The following PTPRN2 variants were observed in gnomAD, a reference collection of about 807,000 sequenced individuals.
The protein encoded by PTPRN2 is receptor-type tyrosine-protein phosphatase N2.
In PTPRN2, 74 loss-of-function variants were observed where a neutral mutation model predicts 118.8. The observed-to-expected ratio is 0.62, with a 90% CI of 0.52 to 0.76. The LOEUF is 0.76. PTPRN2 is among the 30% of genes least tolerant of loss of function. PTPRN2 has a pLI of 0.00. For synonymous variants in PTPRN2, 641 were observed against 608.0 expected, an observed-to-expected ratio of 1.05 and a Z score of -0.80; for missense variants, 1,481 against 1,394.4, an observed-to-expected ratio of 1.06 and a Z score of -0.99.
rs775089937 is a variant in PTPRN2 at position 157,550,067 on chromosome 7, C to A, written c.2903-1048G>T. 1.3e-5 allele frequency among the ~76,000 whole-genome samples: 2 copies of A among 152,226 alleles called. No homozygotes were observed. Among genetic ancestry groups the A allele is most frequent in the Non-Finnish European group, 2.9e-5 (2 of 68,040 alleles). On this transcript the variant is annotated intron_variant, in intron 21 of 22. Coordinates refer to ENST00000389418, the MANE Select transcript of PTPRN2 (RefSeq NM_002847.5). The surrounding 1 kb of genome is among the most constrained non-coding windows in gnomAD (Gnocchi z 5.2). ...CGCTGGCCGAAGACCTGAGGAGGCC[C>A]GGGTGGCCCAGAGTCAGGTGGTCCC...
rs888626520 is a variant in PTPRN2, at chr7:157,869,799, T to G, written c.1788+28874A>C. On this transcript the variant is annotated intron_variant, in intron 12 of 22. Transcript: ENST00000389418. This position sits in a 1 kb window ranked among gnomAD's most constrained non-coding sequence, Gnocchi z 4.2. ...CTCTCTGGTGAAGCTTTCCCAGGCA[T>G]TTTTCTGCTAAAGTTTTTATAACTT... Among the ~76,000 whole-genome samples, 1 of 152,166 alleles carries G rather than the reference T, an allele frequency of 6.6e-6. No individual in the cohort carries two copies. Among genetic ancestry groups the G allele is most frequent in the Non-Finnish European group, 1.5e-5 (1 of 68,038 alleles).
intron 11 of PTPRN2, among the ~76,000 whole-genome samples, chr7:157,901,402 T>C (rs1797431372): frequency 6.6e-6 from 1 of 152,024 alleles, no homozygotes; most frequent in Admixed American, 6.6e-5. Context: ...ACCAACCAGA[T>C]ACAGAGTTGC....
chr7:157,825,709 G>A (rs534324207), intron 12 of PTPRN2, among the ~76,000 whole-genome samples: 5 of 152,272 alleles, frequency 3.3e-5, no homozygotes, highest in African/African-American at 1.2e-4. Context: ...TATCTCTCTC[G>A]AGGCAGACCT....
rs1805788417 is a variant in PTPRN2 at position 157,808,704 on chromosome 7, C to G, written c.1788+89969G>C. On this transcript the variant is annotated intron_variant, in intron 12 of 22. Coordinates refer to ENST00000389418, the MANE Select transcript of PTPRN2 (RefSeq NM_002847.5). This position sits in a 1 kb window ranked among gnomAD's most constrained non-coding sequence, Gnocchi z 5.0. ...AGTAAATGTAATGCGTTTGAATCAT[C>G]CTGAAACCTTCCCCCAACCTTGGTC... 6.6e-6 allele frequency among the ~76,000 whole-genome samples: 1 copy of G among 152,186 alleles called. No homozygotes were observed. Among genetic ancestry groups the G allele is most frequent in the South Asian group, 2.1e-4 (1 of 4,830 alleles).
intron 11 of PTPRN2, among the ~76,000 whole-genome samples, chr7:157,999,592 G>A (rs772330696): frequency 2.0e-5 from 3 of 152,202 alleles, no homozygotes; most frequent in Non-Finnish European, 4.4e-5. Context: ...CACCGGAGAT[G>A]AGGCCTCCAG....
At position 157,770,931 on chromosome 7, in the gene PTPRN2, C is replaced by T. The variant is rs139087167; in HGVS notation, c.1789-87994G>A. Among the ~76,000 whole-genome samples, 4 of 152,292 alleles carry T rather than the reference C, an allele frequency of 2.6e-5. 1 individual carries two copies. Among genetic ancestry groups the T allele is most frequent in the Non-Finnish European group, 4.4e-5 (3 of 68,024 alleles). On this transcript the variant is annotated intron_variant, in intron 12 of 22. Transcript: ENST00000389418. ...CCCCCGAGGTGAGACCTCTGTCCTC[C>T]CCACCTGAGTGCGGGGGCTGTGGGC...
chr7:158,367,616 G>T (rs1809639897), intron 2 of PTPRN2, among the ~76,000 whole-genome samples: 1 of 152,170 alleles, frequency 6.6e-6, no homozygotes, highest in African/African-American at 2.4e-5. Flanking sequence ...AAATTACGTT[G>T]TAAGTGAGCC....
intron 10 of PTPRN2, among the ~76,000 whole-genome samples, chr7:158,109,164 G>A (rs547586051): frequency 1.5e-4 from 23 of 149,296 alleles, no homozygotes; most frequent in African/African-American, 5.7e-4. Context: ...ATCACCCCAT[G>A]TGTGAAAGAG....
Position 157,820,137 on chromosome 7 carries a change from G to T in PTPRN2, c.1788+78536C>A, listed in dbSNP as rs563398840. 1.7e-4 allele frequency among the ~76,000 whole-genome samples: 26 copies of T among 150,066 alleles called. No individual in the cohort carries two copies. In the South Asian group the frequency reaches 1.9e-3, roughly 11 times the overall value. ...CATGCACTCCACATACATGCACACA[G>T]CAGACCCCCACACACGCACACACAT... On this transcript the variant is annotated intron_variant, in intron 12 of 22. Coordinates refer to ENST00000389418, the MANE Select transcript of PTPRN2 (RefSeq NM_002847.5).
intron 11 of PTPRN2, among the ~76,000 whole-genome samples, chr7:158,065,266 G>A (rs75176781): frequency 0.13 from 20,461 of 152,236 alleles, 1,735 homozygotes; most frequent in Admixed American, 0.22. Flanking sequence ...GAGACTTGGC[G>A]GAGCCTCCTC....
chr7:158,044,817 G>A (rs544223030), intron 11 of PTPRN2, among the ~76,000 whole-genome samples: 1 of 152,236 alleles, frequency 6.6e-6, no homozygotes, highest in South Asian at 2.1e-4. Context: ...GTGCCAGTTC[G>A]GCGATGACTA....
chr7:158,121,395 A>C (rs1817161174), intron 9 of PTPRN2, among the ~76,000 whole-genome samples: 1 of 152,200 alleles, frequency 6.6e-6, no homozygotes, highest in South Asian at 2.1e-4. Flanking sequence ...GGTCTCCAGT[A>C]CTTTCATATT....
At chr7:157,660,505 C>G (rs918950288) in intron 13 of PTPRN2, among the ~76,000 whole-genome samples, 1 of 152,188 alleles carries the variant, frequency 6.6e-6, no homozygotes, top group Non-Finnish European at 1.5e-5. Context: ...TTGGGAAAAC[C>G]TCTAAAGGTC....
Position 157,785,784 on chromosome 7 carries a change from C to T in PTPRN2, c.1789-102847G>A, listed in dbSNP as rs917172271. On this transcript the variant is annotated intron_variant, in intron 12 of 22. Transcript: ENST00000389418. The surrounding 1 kb of genome is among the most constrained non-coding windows in gnomAD (Gnocchi z 7.3). ...CAGGTACACAGTCTAGCAGCTGCCA[C>T]GCCCGGCTGGGAGCTGAGACGCGCA... Among the ~76,000 whole-genome samples the T allele has an allele frequency of 4.6e-5, 7 of 152,280 alleles. No homozygotes were observed. In the East Asian group the frequency reaches 7.7e-4, roughly 17 times the overall value.
chr7:158,360,952 T>C (rs1386598897), intron 2 of PTPRN2, among the ~76,000 whole-genome samples: 1 of 4,122 alleles, frequency 2.4e-4, no homozygotes, highest in African/African-American at 2.5e-3. Flanking sequence ...AGACCCCACA[T>C]CCACCCTCAC....
chr7:157,603,415 A>G lies in PTPRN2; in HGVS notation c.2418+587T>C, dbSNP rs1404329388. On this transcript the variant is annotated intron_variant, in intron 16 of 22. Transcript: ENST00000389418. The surrounding 1 kb of genome is among the most constrained non-coding windows in gnomAD (Gnocchi z 5.4). Reference sequence around the variant, plus strand: ...CACAGGCCACAGGGACTCATAACTCACGGCACAGGAGCTGCCACCACACTC... The same window carrying G: ...CACAGGCCACAGGGACTCATAACTCGCGGCACAGGAGCTGCCACCACACTC... Among the ~76,000 whole-genome samples, 1 of 152,176 alleles carries G rather than the reference A, an allele frequency of 6.6e-6. No individual in the cohort carries two copies. The highest frequency in any genetic ancestry group is 1.5e-5 in the Non-Finnish European group (1 of 68,014).
intron 12 of PTPRN2, among the ~76,000 whole-genome samples, chr7:157,708,214 T>C (rs9638056): frequency 0.69 from 104,370 of 152,150 alleles, 36,088 homozygotes; most frequent in South Asian, 0.8. Context: ...CTCTGAGTGT[T>C]GCCTTCCCTT....
intron 3 of PTPRN2, among the ~76,000 whole-genome samples, chr7:158,218,723 T>C (rs916393635): frequency 6.6e-6 from 1 of 152,128 alleles, no homozygotes; most frequent in African/African-American, 2.4e-5. Context: ...TGGCTCAAAG[T>C]AAAGGGATGG....
chr7:157,684,893 C>A (rs1797098913), intron 12 of PTPRN2, among the ~76,000 whole-genome samples: 2 of 151,984 alleles, frequency 1.3e-5, no homozygotes, highest in East Asian at 2.0e-4. Context: ...CGCGGGGGGC[C>A]CCAGGCGGGG....
Sources: allele counts gnomAD v4.1 joint callset (sites outside exome capture counted in the v4.1 genomes callset), GRCh38; gene constraint gnomAD v4.1.1; non-coding constraint Gnocchi (gnomAD v3.1); transcripts MANE v1.5; gene names NCBI Gene and HGNC (gene_info 2026-07-23, HGNC 2026-07-21).